GRK1: variants seen among roughly 807,000 people sequenced by gnomAD.
GRK1 encodes G protein-coupled receptor kinase 1.
GRK1 carries 28 observed loss-of-function variants against 41.7 expected under a neutral mutation model. The ratio of observed to expected loss-of-function variants is 0.67; its 90% CI spans 0.50 to 0.92. The LOEUF (loss-of-function observed/expected upper bound fraction) is 0.92, where lower values mean the gene tolerates loss of function less well. GRK1 is among the 40% of genes least tolerant of loss of function. The pLI is 0.00. For missense variants in GRK1, 703 were observed against 671.2 expected, an observed-to-expected ratio of 1.05 and a Z score of -0.52; for synonymous variants, 327 against 286.7, an observed-to-expected ratio of 1.14 and a Z score of -1.42.
At chr13:113,727,406 T>C (rs1173162009) in intron 4 of GRK1, among the ~76,000 whole-genome samples, 1 of 152,008 alleles carries the variant, frequency 6.6e-6, no homozygotes, top group African/African-American at 2.4e-5. Context: ...CTGTGGTCTG[T>C]GATCTGTGGC....
chr13:113,657,351 ACTCT>A, the GRK1 span, among the ~76,000 whole-genome samples: 1 of 151,948 alleles, frequency 6.6e-6, no homozygotes, highest in African/African-American at 2.4e-5. Flanking sequence ...CTTCCTCCAG[ACTCT>A]CTCATAAGGG....
chr13:113,658,040 G>A, the GRK1 span: 5 of 1,601,384 alleles, frequency 3.1e-6, no homozygotes, highest in Non-Finnish European at 4.3e-6. Flanking sequence ...TACCCCACCG[G>A]GACAGGGTGC....
At chr13:113,658,789 G>C in the GRK1 span, among the ~76,000 whole-genome samples, 3 of 152,204 alleles carry the variant, frequency 2.0e-5, no homozygotes, top group Non-Finnish European at 4.4e-5. Flanking sequence ...GAGGGCAGTG[G>C]CACCGAGGGC....
At position 113,671,392 on chromosome 13, in the gene GRK1, C is replaced by T; in HGVS notation, c.828-107C>T. 3 of 738,466 alleles carry T rather than the reference C, an allele frequency of 4.1e-6. No individual in the cohort carries two copies. Among genetic ancestry groups the T allele is most frequent in the Non-Finnish European group, 7.5e-6 (3 of 402,506 alleles). 45.7% of individuals were successfully genotyped at this position (738,466 alleles called of 1,614,324 possible). On this transcript the variant is annotated intron_variant, in intron 2 of 6. Transcript: ENST00000335678. This position sits in a 1 kb window ranked among gnomAD's most constrained non-coding sequence, Gnocchi z 4.1. Reference sequence around the variant, plus strand: ...GTAGGGGGGCCAGGCCTCAAAACGACCAGAACGCTGGCCGAGAGACATGGT... The same window carrying T: ...GTAGGGGGGCCAGGCCTCAAAACGATCAGAACGCTGGCCGAGAGACATGGT...
chr13:113,657,358 C>G, the GRK1 span, among the ~76,000 whole-genome samples: 1 of 152,244 alleles, frequency 6.6e-6, no homozygotes, highest in East Asian at 1.9e-4. Flanking sequence ...CAGACTCTCT[C>G]ATAAGGGGTG....
At chr13:113,733,980 A>ATACGTGTGTATG (rs1566700540) in intron 6 of GRK1, among the ~76,000 whole-genome samples, 1 of 95,256 alleles carries the variant, frequency 1.0e-5, no homozygotes, top group Non-Finnish European at 2.2e-5. Context: ...GTGTGTGCGC[A>ATACGTGTGTATG]TGTGTGTGCA....
rs572749031 is a variant in GRK1, at chr13:113,731,199, G to C, written c.1070-20G>C. On this transcript the variant is annotated intron_variant, in intron 4 of 6. Coordinates refer to ENST00000335678, the MANE Select transcript of GRK1 (RefSeq NM_002929.3). This position sits in a 1 kb window ranked among gnomAD's most constrained non-coding sequence, Gnocchi z 5.6. ...CATGGAGGTGACCACCTCTGAACCC[G>C]CAATGTCCCTTGCTGGCAGGTTTCA... 2.6e-6 allele frequency: 4 copies of C among 1,536,164 alleles called. No homozygotes were observed. The highest frequency in any genetic ancestry group is 2.6e-6 in the Non-Finnish European group (3 of 1,146,302).
chr13:113,658,238 GC>G, the GRK1 span: 1 of 1,260,930 alleles, frequency 7.9e-7, no homozygotes, highest in South Asian at 1.3e-5. Flanking sequence ...AGTTTCCTCT[GC>G]CAGAGGTCAA....
chr13:113,670,518 C>T (rs11838702), intron 2 of GRK1, among the ~76,000 whole-genome samples: 38,790 of 152,228 alleles, frequency 0.25, 8,003 homozygotes, highest in African/African-American at 0.57. Flanking sequence ...ATGGCTGTGG[C>T]TGGCAGCACC....
the GRK1 span, chr13:113,649,648 G>T: frequency 8.0e-7 from 1 of 1,245,390 alleles, no homozygotes; most frequent in Non-Finnish European, 1.1e-6. The surrounding 1 kb of genome is among the most constrained non-coding windows in gnomAD (Gnocchi z 4.7). Context: ...CAGCTCTTTT[G>T]TGTAAGACTG....
At chr13:113,653,716 G>A in the GRK1 span, among the ~76,000 whole-genome samples, 2 of 152,252 alleles carry the variant, frequency 1.3e-5, no homozygotes. Flanking sequence ...CTCTGTGACA[G>A]GTGATGACTA....
intron 4 of GRK1, among the ~76,000 whole-genome samples, chr13:113,730,441 C>A (rs1207624610): frequency 6.6e-6 from 1 of 151,556 alleles, no homozygotes. Context: ...CCAGACCCAT[C>A]ATCCCATCCT....
chr13:113,734,596 G>A, intron 6 of GRK1: 1 of 153,824 alleles, frequency 6.5e-6, no homozygotes. Context: ...TCGGGGGCCG[G>A]TGCGTCAGGG....
At chr13:113,723,582 G>C (rs533781283) in intron 4 of GRK1, among the ~76,000 whole-genome samples, 7 of 152,264 alleles carry the variant, frequency 4.6e-5, no homozygotes, top group Admixed American at 1.3e-4. Flanking sequence ...TTGAGTTTCT[G>C]ATGAGTCTCT....
the GRK1 span, among the ~76,000 whole-genome samples, chr13:113,657,174 C>A: frequency 6.6e-6 from 1 of 152,100 alleles, no homozygotes; most frequent in Non-Finnish European, 1.5e-5. Flanking sequence ...GTGGGGCGGG[C>A]CTGGGGCTTT....
chr13:113,731,483 C>G lies in GRK1; in HGVS notation c.1194+140C>G. ...CTGGGGTGGGGAGGGCACAGATTCACGTGCTGGGGTCTTGCTCCTGGGCCA... is the reference window on the plus strand; with the variant it reads ...CTGGGGTGGGGAGGGCACAGATTCAGGTGCTGGGGTCTTGCTCCTGGGCCA... On this transcript the variant is annotated intron_variant, in intron 5 of 6. Transcript: ENST00000335678. The surrounding 1 kb of genome is among the most constrained non-coding windows in gnomAD (Gnocchi z 5.6). 1.6e-6 allele frequency: 2 copies of G among 1,234,810 alleles called. No individual in the cohort carries two copies. Among genetic ancestry groups the G allele is most frequent in the Non-Finnish European group, 2.2e-6 (2 of 904,928 alleles). 76.5% of individuals were successfully genotyped at this position (1,234,810 alleles called of 1,614,324 possible). A position where few individuals can be genotyped will look rare whatever the true frequency, so the allele number is the denominator to read the frequency against.
At chr13:113,727,355 T>C (rs918661258) in intron 4 of GRK1, among the ~76,000 whole-genome samples, 3 of 152,130 alleles carry the variant, frequency 2.0e-5, no homozygotes. Flanking sequence ...GGTTGTGGAC[T>C]GTGGGCTGTA....
the GRK1 span, among the ~76,000 whole-genome samples, chr13:113,659,472 C>T: frequency 1.1e-4 from 16 of 152,290 alleles, no homozygotes; most frequent in African/African-American, 2.2e-4. Flanking sequence ...CTAGGCATTA[C>T]GCTGCTTTAA....
At chr13:113,733,150 G>C (rs549445195) in intron 6 of GRK1, 65 bp downstream of exon 6, 374 of 1,448,260 alleles carry the variant, frequency 2.6e-4, no homozygotes, top group Non-Finnish European at 3.1e-4. Context: ...TTGGGTGTCC[G>C]CCCGGTCCAG....
Sources: gnomAD v4.1 joint callset for allele counts (sites outside exome capture counted in the v4.1 genomes callset) on GRCh38, gnomAD v4.1.1 for gene constraint, Gnocchi (gnomAD v3.1) non-coding constraint, MANE v1.5 for transcripts, NCBI Gene and HGNC (gene_info 2026-07-23, HGNC 2026-07-21) for gene names.